WDR41: variants seen among roughly 807,000 people sequenced by gnomAD.
The protein encoded by WDR41 is WD repeat-containing protein 41.
In WDR41, 63 loss-of-function variants were observed where a neutral mutation model predicts 69.3. The observed-to-expected ratio is 0.91, with a 90% CI of 0.74 to 1.12. The LOEUF is 1.12. WDR41 is among the 50% of genes most tolerant of loss of function. The pLI, the probability that WDR41 is intolerant of heterozygous loss-of-function variation, is 0.00. For missense variants in WDR41, 543 were observed against 534.5 expected, an observed-to-expected ratio of 1.02 and a Z score of -0.16; for synonymous variants, 185 against 192.1, an observed-to-expected ratio of 0.96 and a Z score of 0.31.
intron 6 of WDR41, 51 bp downstream of exon 6, chr5:77,453,764 CTG>C: frequency 1.4e-6 from 2 of 1,405,774 alleles, no homozygotes; most frequent in Non-Finnish European, 2.0e-6. Flanking sequence ...TGAAGATCTG[CTG>C]TGTCTTCTAG....
chr5:77,463,302 A>T, intron 3 of WDR41, 76 bp from the exon 4 acceptor site: 1 of 1,374,000 alleles, frequency 7.3e-7, no homozygotes, highest in Non-Finnish European at 9.9e-7. Flanking sequence ...ATTAAGTACA[A>T]CTACCATATA....
intron 1 of WDR41, among the ~76,000 whole-genome samples, chr5:77,593,495 A>AT (rs1279607812): frequency 2.0e-5 from 3 of 152,216 alleles, no homozygotes; most frequent in Non-Finnish European, 4.4e-5. Context: ...AATCCATATA[A>AT]TGGAATATGA....
chr5:77,617,895 G>A (rs1347885848), intron 1 of WDR41, among the ~76,000 whole-genome samples: 1 of 152,200 alleles, frequency 6.6e-6, no homozygotes, highest in Non-Finnish European at 1.5e-5. Context: ...CATATGAGTG[G>A]CAACTTGAGG....
chr5:77,569,668 C>T (rs74740551), intron 1 of WDR41, among the ~76,000 whole-genome samples: 5,251 of 152,272 alleles, frequency 0.034, 129 homozygotes, highest in Middle Eastern at 0.099. Context: ...TATTGCAACA[C>T]TTCATTTTCC....
chr5:77,585,678 C>A (rs549328367), intron 1 of WDR41, among the ~76,000 whole-genome samples: 1 of 152,198 alleles, frequency 6.6e-6, no homozygotes, highest in African/African-American at 2.4e-5. Context: ...TCACAGTGAC[C>A]TGGATGAGAT....
chr5:77,482,819 T>C (rs1296365269), intron 2 of WDR41, among the ~76,000 whole-genome samples: 1 of 145,730 alleles, frequency 6.9e-6, no homozygotes, highest in African/African-American at 2.6e-5. Context: ...ACTGAGAAAA[T>C]GCAGGCACAG....
At chr5:77,582,334 A>T in intron 1 of WDR41, 1 of 1,561,426 alleles carries the variant, frequency 6.4e-7, no homozygotes, top group South Asian at 1.1e-5. Flanking sequence ...TAACAAGTGC[A>T]GAGTACGCAT....
chr5:77,504,092 G>A (rs9687913), intron 1 of WDR41, among the ~76,000 whole-genome samples: 22,941 of 151,688 alleles, frequency 0.15, 2,567 homozygotes, highest in African/African-American at 0.29. Context: ...CCAGGAGCTG[G>A]CTTTTTGAAA....
chr5:77,485,228 T>C (rs1801460606), intron 2 of WDR41, among the ~76,000 whole-genome samples: 1 of 152,144 alleles, frequency 6.6e-6, no homozygotes. Flanking sequence ...ACCCAGGTAC[T>C]AGAAGGATCT....
At chr5:77,613,915 C>A (rs1744620489) in intron 1 of WDR41, among the ~76,000 whole-genome samples, 1 of 152,148 alleles carries the variant, frequency 6.6e-6, no homozygotes, top group South Asian at 2.1e-4. Context: ...GGGCTAATAT[C>A]CAGAATCTGC....
intron 10 of WDR41, 69 bp from the exon 11 acceptor site, chr5:77,437,493 A>G: frequency 7.3e-7 from 1 of 1,377,200 alleles, no homozygotes; most frequent in East Asian, 2.3e-5. Flanking sequence ...ATTTGCAGTG[A>G]AAGAAATCAG....
At chr5:77,511,577 G>A (rs548887353) in intron 1 of WDR41, among the ~76,000 whole-genome samples, 1 of 152,116 alleles carries the variant, frequency 6.6e-6, no homozygotes, top group African/African-American at 2.4e-5. Flanking sequence ...GAACAACACA[G>A]GCAAAGAATT....
intron 1 of WDR41, among the ~76,000 whole-genome samples, chr5:77,593,924 A>G (rs1744174243): frequency 6.6e-6 from 1 of 152,180 alleles, no homozygotes; most frequent in South Asian, 2.1e-4. Flanking sequence ...AATCTTCTTA[A>G]ATCTAGATTT....
rs1306305814 is a variant in WDR41 at position 77,613,526 on chromosome 5, G to C, written c.42+6953C>G. On this transcript the variant is annotated intron_variant, in intron 1 of 5. Coordinates refer to the WDR41 transcript ENST00000509971. ...ACTATCTGATCTTTGACAAACCTGA[G>C]AAAAACAAGAAATGGGGAAAGGATT... 1.9e-3 allele frequency among the ~76,000 whole-genome samples: 290 copies of C among 152,038 alleles called. 1 individual carries two copies. Among genetic ancestry groups the C allele is most frequent in the African/African-American group, 6.3e-3 (261 of 41,460 alleles).
chr5:77,492,439 G>A, upstream of WDR41: 2 of 498,928 alleles, frequency 4.0e-6, no homozygotes, highest in South Asian at 8.8e-5. Context: ...AGTTTGGGCA[G>A]TCGCTTGGGG....
intron 1 of WDR41, among the ~76,000 whole-genome samples, chr5:77,514,879 A>C (rs77191304): frequency 0.024 from 3,658 of 152,282 alleles, 110 homozygotes; most frequent in South Asian, 0.13. Flanking sequence ...ACAGTATGAA[A>C]GATTTTTAAA....
intron 1 of WDR41, among the ~76,000 whole-genome samples, chr5:77,514,282 G>A (rs1802259512): frequency 6.6e-6 from 1 of 151,802 alleles, no homozygotes; most frequent in African/African-American, 2.4e-5. Context: ...AGTTACAATA[G>A]CCTAGACATT....
intron 1 of WDR41, among the ~76,000 whole-genome samples, chr5:77,506,008 A>G (rs1341204371): frequency 2.0e-5 from 3 of 152,232 alleles, no homozygotes; most frequent in Non-Finnish European, 4.4e-5. Context: ...CACCAAAAGC[A>G]ATGGCAAGAA....
chr5:77,579,868 A>AAAT (rs10638632), intron 1 of WDR41, among the ~76,000 whole-genome samples: 44,221 of 151,834 alleles, frequency 0.29, 6,988 homozygotes, highest in East Asian at 0.41. Flanking sequence ...TAACATATGG[A>AAAT]AATATAATAT....
Sources: gnomAD v4.1 joint callset for allele counts (sites outside exome capture counted in the v4.1 genomes callset) on GRCh38, gnomAD v4.1.1 for gene constraint, MANE v1.5 for transcripts, NCBI Gene and HGNC (gene_info 2026-07-23, HGNC 2026-07-21) for gene names.